GCSH: variants seen among roughly 807,000 people sequenced by gnomAD.
GCSH encodes the protein glycine cleavage system H protein, mitochondrial.
Under a neutral mutation model 21.3 loss-of-function variants are expected in GCSH, and 15 were observed. The observed-to-expected ratio is 0.70, with a 90% CI of 0.47 to 1.08. GCSH has a LOEUF of 1.08. GCSH is among the 50% of genes least tolerant of loss of function. The pLI is 0.00. For missense variants in GCSH, 179 were observed against 217.5 expected, an observed-to-expected ratio of 0.82 and a Z score of 1.11; for synonymous variants, 59 against 84.5, an observed-to-expected ratio of 0.70 and a Z score of 1.66.
intron 1 of GCSH, among the ~76,000 whole-genome samples, chr16:81,091,580 G>GT (rs1473245313): frequency 6.6e-6 from 1 of 152,126 alleles, no homozygotes. Flanking sequence ...ATTAAATACA[G>GT]TTCATATTCT....
rs1972511344 is a variant in GCSH at position 81,096,326 on chromosome 16, C to G, written c.-48G>C. On this transcript the variant is annotated 5_prime_UTR_variant, in exon 1 of 5. Transcript: ENST00000315467. ...CAGCGCTACGCCTCGGCCACCCGCG[C>G]CGGGAGGCGGGGCGGGGAGGGGCAG... The G allele has an allele frequency of 7.5e-7, 1 of 1,337,242 alleles. No homozygotes were observed. Among genetic ancestry groups the G allele is most frequent in the Non-Finnish European group, 9.5e-7 (1 of 1,047,136 alleles). The allele number at this position is 1,337,242 out of a possible 1,614,324, so 82.8% of individuals were successfully genotyped here.
chr16:81,085,192 T>C (rs1422579405), intron 3 of GCSH, among the ~76,000 whole-genome samples: 3 of 151,690 alleles, frequency 2.0e-5, no homozygotes, highest in South Asian at 4.2e-4. Flanking sequence ...TTTTTGTATT[T>C]TTAGTAGAGA....
intron 1 of GCSH, among the ~76,000 whole-genome samples, chr16:81,095,719 A>G (rs1221349090): frequency 1.3e-5 from 2 of 152,100 alleles, no homozygotes; most frequent in African/African-American, 4.8e-5. Context: ...GTAACGGTCC[A>G]TTTAGTAAAC....
chr16:81,094,209 T>G (rs1190051001), intron 1 of GCSH, among the ~76,000 whole-genome samples: 1 of 152,310 alleles, frequency 6.6e-6, no homozygotes, highest in Middle Eastern at 3.4e-3. Flanking sequence ...CAATAATTAC[T>G]TTCTAACTGG....
chr16:81,095,734 G>C (rs1041578611), intron 1 of GCSH, among the ~76,000 whole-genome samples: 1 of 152,154 alleles, frequency 6.6e-6, no homozygotes, highest in African/African-American at 2.4e-5. Context: ...GTAAACTAAA[G>C]GCCTCCCCAT....
Position 81,082,419 on chromosome 16 carries a change from G to C in GCSH, c.*447C>G, listed in dbSNP as rs944771024. On this transcript the variant is annotated 3_prime_UTR_variant, in exon 5 of 5. Coordinates refer to ENST00000315467, the MANE Select transcript of GCSH (RefSeq NM_004483.5). ...TGCAGTGTATCGCAAAATTAAGATAGTGGTGTTCCTCATCTGACACTGTAC... is the reference window on the plus strand; with the variant it reads ...TGCAGTGTATCGCAAAATTAAGATACTGGTGTTCCTCATCTGACACTGTAC... 2.6e-6 allele frequency: 1 copy of C among 380,100 alleles called. No homozygotes were observed. The allele number at this position is 380,100 out of a possible 1,614,324, so 23.5% of individuals were successfully genotyped here. A position where few individuals can be genotyped will look rare whatever the true frequency, so the allele number is the denominator to read the frequency against.
chr16:81,089,192 T>A (rs564398707), intron 2 of GCSH, among the ~76,000 whole-genome samples: 6 of 152,324 alleles, frequency 3.9e-5, no homozygotes, highest in African/African-American at 1.4e-4. Flanking sequence ...TATAATATAG[T>A]TAGTATCACT....
intron 3 of GCSH, 120 bp from the exon 4 acceptor site, chr16:81,084,714 T>C: frequency 2.4e-6 from 1 of 423,294 alleles, no homozygotes; most frequent in South Asian, 4.6e-5. Flanking sequence ...CAAATTTCTT[T>C]TTTTTTTTTT....
chr16:81,094,514 GA>G (rs896544794), intron 1 of GCSH, among the ~76,000 whole-genome samples: 7 of 142,176 alleles, frequency 4.9e-5, no homozygotes, highest in Non-Finnish European at 3.1e-5. Flanking sequence ...CAAAAAAGAA[GA>G]AAAAAAAAAG....
chr16:81,084,804 A>G (rs536505699), intron 3 of GCSH, among the ~76,000 whole-genome samples: 3 of 150,500 alleles, frequency 2.0e-5, no homozygotes, highest in Admixed American at 1.3e-4. Flanking sequence ...CCACCTCCCA[A>G]GGGTTCATGC....
intron 2 of GCSH, 22 bp from the exon 3 acceptor site, chr16:81,087,686 C>G: frequency 6.4e-7 from 1 of 1,566,268 alleles, no homozygotes; most frequent in Middle Eastern, 1.7e-4. Flanking sequence ...AAGACAAAAC[C>G]AAAAATCTCT....
At position 81,094,488 on chromosome 16, in the gene GCSH, G is replaced by C. The variant is rs535648674; in HGVS notation, c.148+1643C>G. 4.0e-5 allele frequency among the ~76,000 whole-genome samples: 6 copies of C among 151,482 alleles called. No homozygotes were observed. In the South Asian group the frequency reaches 1.2e-3, roughly 32 times the overall value. Reference sequence around the variant, plus strand: ...CCACTGGATGCCAGCCTGGGCGACAGAGCGAGACTCCATCTCAAAAAAGAA... The same window carrying C: ...CCACTGGATGCCAGCCTGGGCGACACAGCGAGACTCCATCTCAAAAAAGAA... On this transcript the variant is annotated intron_variant, in intron 1 of 4. Transcript: ENST00000315467.
intron 1 of GCSH, among the ~76,000 whole-genome samples, chr16:81,094,805 G>C (rs1972467005): frequency 6.6e-6 from 1 of 152,112 alleles, no homozygotes; most frequent in Non-Finnish European, 1.5e-5. Context: ...TGGGCGTAAA[G>C]AAAATTGTTG....
At chr16:81,085,509 G>GA (rs1305756969) in intron 3 of GCSH, among the ~76,000 whole-genome samples, 1 of 152,020 alleles carries the variant, frequency 6.6e-6, no homozygotes. Context: ...CTGTGGCTCA[G>GA]AAAAAAACAA....
chr16:81,095,832 C>G (rs1476000286), intron 1 of GCSH, among the ~76,000 whole-genome samples: 1 of 152,044 alleles, frequency 6.6e-6, no homozygotes, highest in African/African-American at 2.4e-5. Context: ...CTGCAGCAAG[C>G]GGCCGACCTG....
chr16:81,089,187 T>C (rs944598560), intron 2 of GCSH, among the ~76,000 whole-genome samples: 2 of 152,212 alleles, frequency 1.3e-5, no homozygotes, highest in African/African-American at 4.8e-5. Flanking sequence ...GAAATTATAA[T>C]ATAGTTAGTA....
At chr16:81,084,741 G>A (rs1346979266) in intron 3 of GCSH, 147 bp from the exon 4 acceptor site, 8 of 621,406 alleles carry the variant, frequency 1.3e-5, no homozygotes, top group Admixed American at 2.9e-5. Flanking sequence ...ATGGAGTCTC[G>A]CTCTGTTGCC....
At chr16:81,086,880 T>G (rs1265856283) in intron 3 of GCSH, among the ~76,000 whole-genome samples, 1 of 144,836 alleles carries the variant, frequency 6.9e-6, no homozygotes, top group African/African-American at 2.5e-5. Flanking sequence ...AGGTCATCTA[T>G]TTGACTAGGA....
Position 81,090,261 on chromosome 16 carries a change from T to C in GCSH, c.228+340A>G, listed in dbSNP as rs185750286. On this transcript the variant is annotated intron_variant, in intron 2 of 4. Coordinates refer to ENST00000315467, the MANE Select transcript of GCSH (RefSeq NM_004483.5). ...GTGCACCACCAAGACCAGCTAATTT[T>C]TGTATTTTGCAGTGACATGATCATG... Among the ~76,000 whole-genome samples, 20 of 152,120 alleles carry C rather than the reference T, an allele frequency of 1.3e-4. No individual in the cohort carries two copies. In the East Asian group the frequency reaches 3.3e-3, roughly 25 times the overall value.
Sources: gnomAD v4.1 joint callset for allele counts (sites outside exome capture counted in the v4.1 genomes callset) on GRCh38, gnomAD v4.1.1 for gene constraint, MANE v1.5 for transcripts, NCBI Gene and HGNC (gene_info 2026-07-23, HGNC 2026-07-21) for gene names.